KCNQ1: variants seen among roughly 807,000 people sequenced by gnomAD.
KCNQ1 encodes the protein potassium voltage-gated channel subfamily Q member 1.
In KCNQ1, 49 loss-of-function variants were observed where a neutral mutation model predicts 72.4. The observed-to-expected ratio is 0.68, with a 90% confidence interval of 0.54 to 0.86. KCNQ1 has a LOEUF of 0.86. KCNQ1 is among the 40% of genes least tolerant of loss of function. The pLI is 0.00. For synonymous variants in KCNQ1, 450 were observed against 412.6 expected, an observed-to-expected ratio of 1.09 and a Z score of -1.10; for missense variants, 790 against 945.1, an observed-to-expected ratio of 0.84 and a Z score of 2.15.
intron 11 of KCNQ1, among the ~76,000 whole-genome samples, chr11:2,718,322 C>A (rs1851132946): frequency 6.6e-6 from 1 of 152,220 alleles, no homozygotes; most frequent in Non-Finnish European, 1.5e-5. Flanking sequence ...CATCCCTAGC[C>A]CCAGACTGGC....
At chr11:2,819,243 A>G (rs1359015887) in intron 15 of KCNQ1, among the ~76,000 whole-genome samples, 1 of 152,202 alleles carries the variant, frequency 6.6e-6, no homozygotes, top group Non-Finnish European at 1.5e-5. Context: ...ATGACAGAGC[A>G]TTGTGTGCTC....
intron 1 of KCNQ1, among the ~76,000 whole-genome samples, chr11:2,448,898 G>A (rs908792460): frequency 3.3e-5 from 5 of 152,210 alleles, no homozygotes; most frequent in Admixed American, 6.5e-5. Flanking sequence ...CTAGTTGGGG[G>A]GAACACAGGC....
intron 15 of KCNQ1, among the ~76,000 whole-genome samples, chr11:2,841,947 C>A (rs1848222902): frequency 6.6e-6 from 1 of 152,196 alleles, no homozygotes; most frequent in Non-Finnish European, 1.5e-5. Context: ...AGCGGCAGCC[C>A]CAGGAAGGGT....
At chr11:2,780,998 G>A (rs1195623145) in intron 15 of KCNQ1, among the ~76,000 whole-genome samples, 1 of 152,040 alleles carries the variant, frequency 6.6e-6, no homozygotes, top group Non-Finnish European at 1.5e-5. Flanking sequence ...CTCACTCCAG[G>A]GTGTGGAGAG....
Position 2,627,896 on chromosome 11 carries a change from A to G in KCNQ1, c.1394-34065A>G, listed in dbSNP as rs933136761. The G allele has an allele frequency of 2.5e-6, 1 of 398,630 alleles. No homozygotes were observed. The highest frequency in any genetic ancestry group is 4.4e-6 in the Non-Finnish European group (1 of 226,156). 24.7% of individuals were successfully genotyped at this position (398,630 alleles called of 1,614,324 possible). On this transcript the variant is annotated intron_variant, in intron 10 of 15. Coordinates refer to ENST00000155840, the MANE Select transcript of KCNQ1 (RefSeq NM_000218.3). The surrounding 1 kb of genome is among the most constrained non-coding windows in gnomAD (Gnocchi z 4.9). ...CTCCTGAGTAGCTGGGACCACAGTC[A>G]TGCACCCCCATGCCCAGCTAATTTT...
intron 11 of KCNQ1, chr11:2,692,318 T>C (rs60056002): frequency 0.08 from 32,096 of 398,954 alleles, 1,430 homozygotes; most frequent in Middle Eastern, 0.12. Context: ...CTATTGCCAC[T>C]GTCCTGATAG....
At chr11:2,572,350 C>T (rs376102643) in intron 5 of KCNQ1, among the ~76,000 whole-genome samples, 2 of 152,322 alleles carry the variant, frequency 1.3e-5, no homozygotes, top group African/African-American at 4.8e-5. Flanking sequence ...GGTGTGCTCA[C>T]CTTCCTCTGA....
At position 2,730,973 on chromosome 11, in the gene KCNQ1, G is replaced by A. The variant is rs74949850; in HGVS notation, c.1515-37871G>A. Among the ~76,000 whole-genome samples the A allele has an allele frequency of 0.013, 1,917 of 152,298 alleles. 76 individuals are homozygous for A. In the East Asian group the frequency reaches 0.13, roughly 10 times the overall value. On this transcript the variant is annotated intron_variant, in intron 11 of 15. Coordinates refer to ENST00000155840, the MANE Select transcript of KCNQ1 (RefSeq NM_000218.3). Reference sequence around the variant, plus strand: ...CCGGCCCAGCCTCCTCCCAGCCGCCGCTCTCTGGGAGCCCAGCTTTGCTCA... The same window carrying A: ...CCGGCCCAGCCTCCTCCCAGCCGCCACTCTCTGGGAGCCCAGCTTTGCTCA...
intron 2 of KCNQ1, among the ~76,000 whole-genome samples, chr11:2,539,375 G>C (rs1847787038): frequency 6.6e-6 from 1 of 152,240 alleles, no homozygotes; most frequent in African/African-American, 2.4e-5. Flanking sequence ...AGCTACAGGA[G>C]CGCAATCTTT....
At chr11:2,834,616 G>A (rs569871678) in intron 15 of KCNQ1, among the ~76,000 whole-genome samples, 115 of 152,352 alleles carry the variant, frequency 7.5e-4, no homozygotes, top group Middle Eastern at 6.8e-3. Context: ...CAGAGGCAGG[G>A]AGGCGCTTGA....
At chr11:2,806,146 G>A (rs1434019171) in intron 15 of KCNQ1, among the ~76,000 whole-genome samples, 1 of 152,174 alleles carries the variant, frequency 6.6e-6, no homozygotes, top group African/African-American at 2.4e-5. Context: ...TCACCTTACA[G>A]AAAATGCCCG....
Position 2,450,962 on chromosome 11 carries a change from C to A in KCNQ1, c.386+5478C>A, listed in dbSNP as rs537449993. ...GGCCCTGGCTGGAGGTGGGGAAGATCCATGATGGGACCCAGGTGTCTTCCC... is the reference window on the plus strand; with the variant it reads ...GGCCCTGGCTGGAGGTGGGGAAGATACATGATGGGACCCAGGTGTCTTCCC... On this transcript the variant is annotated intron_variant, in intron 1 of 15. Transcript: ENST00000155840. The surrounding 1 kb of genome is among the most constrained non-coding windows in gnomAD (Gnocchi z 7.9). Among the ~76,000 whole-genome samples, 14 of 152,232 alleles carry A rather than the reference C, an allele frequency of 9.2e-5. No homozygotes were observed. In the South Asian group the frequency reaches 2.9e-3, roughly 32 times the overall value.
At position 2,764,994 on chromosome 11, in the gene KCNQ1, G is replaced by A. The variant is rs1846470598; in HGVS notation, c.1515-3850G>A. ...AATAATGTTCATTTTTTATCTCATA[G>A]ACTGTGCTCTTAACTTTATCTCTTC... On this transcript the variant is annotated intron_variant, in intron 11 of 15. Transcript: ENST00000155840. The surrounding 1 kb of genome is among the most constrained non-coding windows in gnomAD (Gnocchi z 4.8). Among the ~76,000 whole-genome samples, 1 of 151,986 alleles carries A rather than the reference G, an allele frequency of 6.6e-6. No homozygotes were observed. Among genetic ancestry groups the A allele is most frequent in the Non-Finnish European group, 1.5e-5 (1 of 67,994 alleles).
In KCNQ1 at chr11:2,617,350, T is replaced by C; in HGVS notation, c.1393+28496T>C. The C allele has an allele frequency of 5.0e-6, 2 of 398,438 alleles. No individual in the cohort carries two copies. The highest frequency in any genetic ancestry group is 8.9e-6 in the Non-Finnish European group (2 of 225,922). 24.7% of individuals were successfully genotyped at this position (398,438 alleles called of 1,614,324 possible). The stretch of plus-strand genomic sequence containing the variant: ...TAAAACTTTTCATTTGTATATGGCT[T>C]ATTTAACTTAGCACAATGTCTTCCA... On this transcript the variant is annotated intron_variant, in intron 10 of 15. Coordinates refer to ENST00000155840, the MANE Select transcript of KCNQ1 (RefSeq NM_000218.3). The surrounding 1 kb of genome is among the most constrained non-coding windows in gnomAD (Gnocchi z 4.6).
At chr11:2,455,545 A>G (rs1846179640) in intron 1 of KCNQ1, among the ~76,000 whole-genome samples, 1 of 152,258 alleles carries the variant, frequency 6.6e-6, no homozygotes, top group Non-Finnish European at 1.5e-5. Flanking sequence ...GAGTTACAAA[A>G]CACTGCTGAA....
chr11:2,668,565 A>G lies in KCNQ1; in HGVS notation c.1514+6484A>G, dbSNP rs2133865486. 1 of 398,606 alleles carries G rather than the reference A, an allele frequency of 2.5e-6. No individual in the cohort carries two copies. Among genetic ancestry groups the G allele is most frequent in the South Asian group, 1.3e-4 (1 of 7,860 alleles). 24.7% of individuals were successfully genotyped at this position (398,606 alleles called of 1,614,324 possible). ...GACTAATGAAGTTGAGTCCCTTTCCATGTTATCATTTAGTCAGATACATCA... is the reference window on the plus strand; with the variant it reads ...GACTAATGAAGTTGAGTCCCTTTCCGTGTTATCATTTAGTCAGATACATCA... On this transcript the variant is annotated intron_variant, in intron 11 of 15. Transcript: ENST00000155840. This position sits in a 1 kb window ranked among gnomAD's most constrained non-coding sequence, Gnocchi z 4.3.
intron 11 of KCNQ1, chr11:2,680,174 G>A: frequency 1.0e-5 from 4 of 393,512 alleles, no homozygotes; most frequent in South Asian, 2.7e-4. Context: ...TTACGGGCGT[G>A]AGCCAATGCA....
At chr11:2,789,791 T>C (rs1846982719) in intron 15 of KCNQ1, among the ~76,000 whole-genome samples, 1 of 152,174 alleles carries the variant, frequency 6.6e-6, no homozygotes, top group Admixed American at 6.5e-5. Context: ...TTTCGAGGTG[T>C]TTCTTTTTCC....
chr11:2,662,266 C>G, intron 11 of KCNQ1, 185 bp downstream of exon 11: 1 of 658,942 alleles, frequency 1.5e-6, no homozygotes, highest in South Asian at 1.9e-5. Flanking sequence ...AAGGGCACTT[C>G]CCACTGAGCC....
Sources: gnomAD v4.1 joint callset for allele counts (sites outside exome capture counted in the v4.1 genomes callset) on GRCh38, gnomAD v4.1.1 for gene constraint, Gnocchi (gnomAD v3.1) non-coding constraint, MANE v1.5 for transcripts, NCBI Gene and HGNC (gene_info 2026-07-23, HGNC 2026-07-21) for gene names.